The following ANOS1 variants were observed in gnomAD, a reference collection of about 807,000 sequenced individuals.
ANOS1 encodes the protein anosmin-1.
Under a neutral mutation model 59.0 loss-of-function variants are expected in ANOS1, and 6 were observed. That is an observed-to-expected ratio of 0.10 (90% CI 0.06 to 0.20). The LOEUF is 0.20. Among genes scored for constraint, ANOS1 ranks in the 10% least tolerant of loss-of-function variants. ANOS1 has a pLI of 1.00. For missense variants in ANOS1, 433 were observed against 542.3 expected, an observed-to-expected ratio of 0.80 and a Z score of 2.00; for synonymous variants, 217 against 223.4, an observed-to-expected ratio of 0.97 and a Z score of 0.25.
intron 8 of ANOS1, among the ~76,000 whole-genome samples, chrX:8,563,134 C>T (rs1401793384): frequency 8.9e-6 from 1 of 112,171 alleles, no homozygotes; most frequent in East Asian, 2.8e-4. Flanking sequence ...TGTGGAATCA[C>T]CTGAGACCCA....
intron 2 of ANOS1, among the ~76,000 whole-genome samples, chrX:8,625,674 T>C (rs139783730): frequency 5.1e-4 from 57 of 111,898 alleles, no homozygotes; most frequent in African/African-American, 1.7e-3. Context: ...CAATTACTGA[T>C]ATTATGGGCA....
intron 5 of ANOS1, among the ~76,000 whole-genome samples, chrX:8,585,602 C>T (rs966390799): frequency 1.8e-5 from 2 of 112,030 alleles, no homozygotes; most frequent in Admixed American, 1.9e-4. Context: ...AAGAATTAAA[C>T]ATCTCTTGAA....
At chrX:8,548,900 C>T (rs973512980) in intron 9 of ANOS1, among the ~76,000 whole-genome samples, 8 of 111,853 alleles carry the variant, frequency 7.2e-5, no homozygotes, top group African/African-American at 2.6e-4. Context: ...ACAGTTTGAA[C>T]ACTAACTGAC....
chrX:8,579,900 T>C (rs5934450), intron 6 of ANOS1, among the ~76,000 whole-genome samples: 39,219 of 110,875 alleles, frequency 0.35, 5,271 homozygotes, highest in Middle Eastern at 0.49. Context: ...GTATTCCTTC[T>C]ACACCCTGTC....
intron 8 of ANOS1, among the ~76,000 whole-genome samples, chrX:8,563,192 T>G (rs779084005): frequency 3.2e-4 from 36 of 112,292 alleles, no homozygotes; most frequent in African/African-American, 1.1e-3. Flanking sequence ...TTCTTTTTTC[T>G]TACTTTTCTT....
chrX:8,728,236 C>T (rs1337510223), intron 1 of ANOS1, among the ~76,000 whole-genome samples: 2 of 112,245 alleles, frequency 1.8e-5, no homozygotes, highest in African/African-American at 6.5e-5. Context: ...TTCAAGACCT[C>T]TGAGTTCTTC....
chrX:8,641,745 G>A (rs921394498), intron 2 of ANOS1, among the ~76,000 whole-genome samples: 1 of 112,175 alleles, frequency 8.9e-6, no homozygotes. Flanking sequence ...TTAAAATTGT[G>A]TGGTGTTTAG....
chrX:8,703,152 C>T (rs536525731), intron 1 of ANOS1, among the ~76,000 whole-genome samples: 1 of 112,139 alleles, frequency 8.9e-6, no homozygotes, highest in Non-Finnish European at 1.9e-5. Context: ...CTTGGTTGCT[C>T]AACTAGATTT....
At chrX:8,573,056 A>ATTT (rs34564264) in intron 6 of ANOS1, among the ~76,000 whole-genome samples, 18 of 81,153 alleles carry the variant, frequency 2.2e-4, no homozygotes, top group African/African-American at 8.6e-4. Context: ...ACTCTACTGG[A>ATTT]TTTTTTTTTT....
intron 3 of ANOS1, among the ~76,000 whole-genome samples, chrX:8,608,070 G>A (rs1930973834): frequency 8.9e-6 from 1 of 111,861 alleles, no homozygotes; most frequent in African/African-American, 3.2e-5. Flanking sequence ...TTCAGAGCTT[G>A]ACAAATACAC....
At chrX:8,612,519 CA>C (rs1182173390) in intron 3 of ANOS1, among the ~76,000 whole-genome samples, 13 of 77,547 alleles carry the variant, frequency 1.7e-4, no homozygotes, top group African/African-American at 5.6e-4. Flanking sequence ...TAGGAAATGA[CA>C]AAAAAATAAA....
intron 6 of ANOS1, 145 bp downstream of exon 6, chrX:8,585,122 A>G: frequency 1.5e-6 from 1 of 654,379 alleles, no homozygotes; most frequent in South Asian, 2.5e-5. Context: ...TGGTACCTTC[A>G]AACACATCTG....
At chrX:8,559,929 C>T (rs1215356206) in intron 8 of ANOS1, among the ~76,000 whole-genome samples, 1 of 111,937 alleles carries the variant, frequency 8.9e-6, no homozygotes, top group African/African-American at 3.2e-5. Context: ...TGGATGGCAA[C>T]TGCCTAGCTC....
At chrX:8,546,326 C>T (rs1929771141) in intron 9 of ANOS1, among the ~76,000 whole-genome samples, 1 of 112,469 alleles carries the variant, frequency 8.9e-6, no homozygotes, top group Non-Finnish European at 1.9e-5. Context: ...GTTCTTTGGA[C>T]TTCCCAAAGC....
chrX:8,569,732 A>T, intron 7 of ANOS1, among the ~76,000 whole-genome samples: 2 of 112,569 alleles, frequency 1.8e-5, no homozygotes, highest in Admixed American at 1.9e-4. Context: ...TGAAGAGCAC[A>T]GATATTGAAA....
chrX:8,641,317 A>C (rs1347510464), intron 2 of ANOS1, among the ~76,000 whole-genome samples: 5 of 112,389 alleles, frequency 4.4e-5, no homozygotes, highest in Admixed American at 9.4e-5. Context: ...AGGAGGGAAT[A>C]ATCAGATGTG....
chrX:8,539,566 T>C lies in ANOS1; in HGVS notation c.1449+98A>G, dbSNP rs150215543. 3,637 of 1,161,675 alleles carry C rather than the reference T, an allele frequency of 3.1e-3. 9 individuals are homozygous for C. Among genetic ancestry groups the C allele is most frequent in the Non-Finnish European group, 3.4e-3 (2,910 of 856,252 alleles). On this transcript the variant is annotated intron_variant, in intron 10 of 13. Coordinates refer to ENST00000262648, the MANE Select transcript of ANOS1 (RefSeq NM_000216.4). ...CATCAAGTCATTACTCCATAGCTGA[T>C]TTGTGGGAATGAGTTATCTGTTTGA...
rs1385012308 is a variant in ANOS1 at position 8,530,157 on chromosome X, G to A, written c.*2838C>T. On this transcript the variant is annotated 3_prime_UTR_variant, in exon 14 of 14. Transcript: ENST00000262648. ...ATGGAGTTCCAGGTAGAAAAACAGG[G>A]TAACACAGATAAATTCATCATTAAG... 3 of 111,801 alleles carry A rather than the reference G, an allele frequency of 2.7e-5. No individual in the cohort carries two copies. Among genetic ancestry groups the A allele is most frequent in the Non-Finnish European group, 5.6e-5 (3 of 53,214 alleles). The allele number at this position is 111,801 out of a possible 1,213,427, so 9.2% of individuals were successfully genotyped here. A position where few individuals can be genotyped will look rare whatever the true frequency, so the allele number is the denominator to read the frequency against.
At chrX:8,597,802 A>C (rs1930771174) in intron 3 of ANOS1, among the ~76,000 whole-genome samples, 1 of 107,016 alleles carries the variant, frequency 9.3e-6, no homozygotes, top group African/African-American at 3.4e-5. Context: ...CTCCCAAGTA[A>C]CTAGAACTAC....
Sources: gnomAD v4.1 joint callset for allele counts (sites outside exome capture counted in the v4.1 genomes callset) on GRCh38, gnomAD v4.1.1 for gene constraint, MANE v1.5 for transcripts, NCBI Gene and HGNC (gene_info 2026-07-23, HGNC 2026-07-21) for gene names.